UBE2D2: variants seen among roughly 807,000 people sequenced by gnomAD.
UBE2D2 encodes the protein ubiquitin conjugating enzyme E2 D2, also known as ubiquitin-conjugating enzyme E2 D2.
In UBE2D2, 2 loss-of-function variants were observed where a neutral mutation model predicts 24.2. The observed-to-expected ratio is 0.08, with a 90% CI of 0.03 to 0.26. The LOEUF (loss-of-function observed/expected upper bound fraction) is 0.26, where lower values mean the gene tolerates loss of function less well. UBE2D2 is among the 10% of genes least tolerant of loss of function. The pLI is 1.00. For missense variants in UBE2D2, 44 were observed against 177.6 expected, an observed-to-expected ratio of 0.25 and a Z score of 4.28; for synonymous variants, 58 against 56.5, an observed-to-expected ratio of 1.03 and a Z score of -0.12.
rs990051670 is a variant in UBE2D2 at position 139,627,423 on chromosome 5, C to T, written c.*622C>T. 3.3e-5 allele frequency: 5 copies of T among 152,768 alleles called. No homozygotes were observed. The highest frequency in any genetic ancestry group is 1.2e-4 in the African/African-American group (5 of 41,462). 9.5% of individuals were successfully genotyped at this position (152,768 alleles called of 1,614,324 possible). On this transcript the variant is annotated 3_prime_UTR_variant, in exon 7 of 7. Transcript: ENST00000398733. ...GGCTTTGTTCCCAACTCTTTTACAT[C>T]TCCCTACCCCTTCAACCTTTGGCCT...
chr5:139,569,783 T>C (rs189143151), intron 1 of UBE2D2, among the ~76,000 whole-genome samples: 1 of 152,296 alleles, frequency 6.6e-6, no homozygotes, highest in African/African-American at 2.4e-5. Context: ...TTCTGGACTG[T>C]CCAGTGTATT....
chr5:139,622,619 G>A (rs1754532649), intron 5 of UBE2D2, among the ~76,000 whole-genome samples: 1 of 151,478 alleles, frequency 6.6e-6, no homozygotes, highest in South Asian at 2.1e-4. Context: ...GCTGGGTGCA[G>A]TGGCTCACGC....
intron 2 of UBE2D2, among the ~76,000 whole-genome samples, chr5:139,605,196 G>C (rs1255593851): frequency 6.6e-6 from 1 of 152,110 alleles, no homozygotes; most frequent in Non-Finnish European, 1.5e-5. Flanking sequence ...AAATAAAGTA[G>C]AGATCTGTGC....
intron 2 of UBE2D2, among the ~76,000 whole-genome samples, chr5:139,606,553 A>C (rs1410871306): frequency 4.6e-5 from 7 of 152,230 alleles, no homozygotes; most frequent in Non-Finnish European, 1.0e-4. Flanking sequence ...AAAACAGATT[A>C]TGTAACTTTC....
Position 139,579,053 on chromosome 5 carries a change from T to A in UBE2D2, c.24+17238T>A, listed in dbSNP as rs528099966. ...CACAATCTCAGCTCACTGCAACCTC[T>A]GCCTCCCAGGTTCAAGTGATTCTCC... On this transcript the variant is annotated intron_variant, in intron 1 of 6. Coordinates refer to ENST00000398733, the MANE Select transcript of UBE2D2 (RefSeq NM_003339.3). Among the ~76,000 whole-genome samples, 9 of 152,346 alleles carry A rather than the reference T, an allele frequency of 5.9e-5. No individual in the cohort carries two copies. In the East Asian group the frequency reaches 1.7e-3, roughly 29 times the overall value.
chr5:139,547,609 A>C (rs527683449), intron 1 of UBE2D2, among the ~76,000 whole-genome samples: 95 of 152,080 alleles, frequency 6.2e-4, no homozygotes, highest in Middle Eastern at 3.4e-3. Context: ...TCCTGGGTTC[A>C]AGCAGTTCTC....
intron 1 of UBE2D2, among the ~76,000 whole-genome samples, chr5:139,595,401 G>A (rs1444537879): frequency 6.6e-6 from 1 of 150,762 alleles, no homozygotes; most frequent in Non-Finnish European, 1.5e-5. Flanking sequence ...TCCTTGAGTC[G>A]GAGTCTCGCT....
In UBE2D2 at chr5:139,561,453, G is replaced by A. The variant is rs1753086534; in HGVS notation, c.-339G>A. On this transcript the variant is annotated 5_prime_UTR_variant, in exon 1 of 7. Transcript: ENST00000398733. ...CGACCAAGAGAGGCCGGCCGAGCCCGAGGCTTGGGCTTTTGCTTTCTGGCG... is the reference window on the plus strand; with the variant it reads ...CGACCAAGAGAGGCCGGCCGAGCCCAAGGCTTGGGCTTTTGCTTTCTGGCG... 1 of 293,770 alleles carries A rather than the reference G, an allele frequency of 3.4e-6. No homozygotes were observed. Among genetic ancestry groups the A allele is most frequent in the South Asian group, 1.2e-4 (1 of 8,554 alleles). The allele number at this position is 293,770 out of a possible 1,614,324, so 18.2% of individuals were successfully genotyped here.
intron 1 of UBE2D2, among the ~76,000 whole-genome samples, chr5:139,582,304 C>G (rs959062423): frequency 9.9e-5 from 15 of 151,728 alleles, no homozygotes; most frequent in African/African-American, 3.4e-4. Context: ...GCTCTGTTGC[C>G]CAGGCCGGAG....
intron 1 of UBE2D2, among the ~76,000 whole-genome samples, chr5:139,551,753 A>G (rs1581486460): frequency 6.6e-6 from 1 of 152,156 alleles, no homozygotes; most frequent in South Asian, 2.1e-4. Context: ...TGGTGACAGG[A>G]CTCTAACCTA....
At chr5:139,573,202 T>C (rs1056018985) in intron 1 of UBE2D2, among the ~76,000 whole-genome samples, 3 of 150,570 alleles carry the variant, frequency 2.0e-5, no homozygotes, top group African/African-American at 7.3e-5. Flanking sequence ...CTCAGGAGGC[T>C]GAGGCAGGAC....
intron 1 of UBE2D2, among the ~76,000 whole-genome samples, chr5:139,589,441 T>C (rs1045761855): frequency 6.6e-6 from 1 of 152,090 alleles, no homozygotes; most frequent in Non-Finnish European, 1.5e-5. Context: ...GTGCCTGTAG[T>C]CCTAGCTACT....
intron 1 of UBE2D2, among the ~76,000 whole-genome samples, chr5:139,552,675 AT>A (rs35039276): frequency 0.5 from 29,982 of 59,520 alleles, 6,731 homozygotes; most frequent in East Asian, 0.64. Context: ...CGCTTGGCTA[AT>A]TTTTTTTTTT....
In UBE2D2 at chr5:139,530,679, T is replaced by G. The variant is rs552751644; in HGVS notation, c.-64+4067T>G. Among the ~76,000 whole-genome samples, 6 of 152,318 alleles carry G rather than the reference T, an allele frequency of 3.9e-5. No individual in the cohort carries two copies. In the East Asian group the frequency reaches 1.2e-3, roughly 29 times the overall value. On this transcript the variant is annotated intron_variant, in intron 1 of 6. Coordinates refer to the UBE2D2 transcript ENST00000511725. Reference sequence around the variant, plus strand: ...CTTGGTAGCAGCTGAAGGAGGAGTTTGTAGAAAATTTAACCGTACTAATTA... The same window carrying G: ...CTTGGTAGCAGCTGAAGGAGGAGTTGGTAGAAAATTTAACCGTACTAATTA...
chr5:139,561,170 C>T (rs1285099861), upstream of UBE2D2: 1 of 152,688 alleles, frequency 6.5e-6, no homozygotes, highest in Non-Finnish European at 1.5e-5. Flanking sequence ...CCCAGGGCTT[C>T]GCAGCGTCAC....
upstream of UBE2D2, among the ~76,000 whole-genome samples, chr5:139,560,631 C>T (rs756675401): frequency 2.6e-5 from 4 of 152,164 alleles, no homozygotes; most frequent in Non-Finnish European, 5.9e-5. Flanking sequence ...CGCGCCCAGC[C>T]GTTGGTTTTA....
intron 1 of UBE2D2, among the ~76,000 whole-genome samples, chr5:139,573,162 C>T (rs929718404): frequency 6.6e-5 from 10 of 151,682 alleles, no homozygotes; most frequent in South Asian, 4.2e-4. Context: ...ATTAGCCAGA[C>T]GTGGTGGTGG....
chr5:139,554,517 G>C (rs1752956629), intron 1 of UBE2D2, among the ~76,000 whole-genome samples: 1 of 152,158 alleles, frequency 6.6e-6, no homozygotes, highest in Non-Finnish European at 1.5e-5. Context: ...ACCTGTTGTT[G>C]GTGTTGAGCA....
upstream of UBE2D2, among the ~76,000 whole-genome samples, chr5:139,560,000 G>A (rs1335017647): frequency 6.6e-6 from 1 of 150,876 alleles, no homozygotes; most frequent in Non-Finnish European, 1.5e-5. Flanking sequence ...GATTTTCAGC[G>A]GACCCTCCTG....
Sources: allele counts gnomAD v4.1 joint callset (sites outside exome capture counted in the v4.1 genomes callset), GRCh38; gene constraint gnomAD v4.1.1; transcripts MANE v1.5; gene names NCBI Gene and HGNC (gene_info 2026-07-23, HGNC 2026-07-21).